Variants in MDGA2 observed in about 807,000 individuals in gnomAD.
MDGA2 encodes the protein MAM domain containing glycosylphosphatidylinositol anchor 2.
A neutral mutation model predicts 117.8 loss-of-function variants in MDGA2; 40 were observed. The ratio of observed to expected loss-of-function variants is 0.34; its 90% CI spans 0.26 to 0.44. The LOEUF (loss-of-function observed/expected upper bound fraction) is 0.44, where lower values mean the gene tolerates loss of function less well. MDGA2 is among the 20% of genes least tolerant of loss of function. The pLI, the probability that MDGA2 is intolerant of heterozygous loss-of-function variation, is 1.00. For synonymous variants in MDGA2, 452 were observed against 439.0 expected (o/e 1.03, Z -0.37); for missense variants, 1,123 against 1,250.6 (o/e 0.90, Z 1.54).
At chr14:47,265,195 G>A (rs1056965959) in intron 2 of MDGA2, among the ~76,000 whole-genome samples, 5 of 152,066 alleles carry the variant, frequency 3.3e-5, no homozygotes, top group African/African-American at 1.2e-4. Flanking sequence ...TCCATCATAT[G>A]GATTCAGTAG....
chr14:47,077,726 T>C (rs941235770), intron 6 of MDGA2, among the ~76,000 whole-genome samples: 1 of 150,614 alleles, frequency 6.6e-6, no homozygotes, highest in Admixed American at 6.6e-5. Flanking sequence ...AAAAGTGCAA[T>C]AAATTCTATA....
intron 2 of MDGA2, among the ~76,000 whole-genome samples, chr14:47,285,727 A>G (rs562170544): frequency 1.3e-5 from 2 of 152,266 alleles, no homozygotes; most frequent in African/African-American, 4.8e-5. Flanking sequence ...GCATTGAGGT[A>G]TATGGCTTCC....
At chr14:46,972,684 T>C (rs557089003) in intron 8 of MDGA2, among the ~76,000 whole-genome samples, 4 of 152,050 alleles carry the variant, frequency 2.6e-5, no homozygotes, top group South Asian at 2.1e-4. Context: ...CAAACTAACA[T>C]AGAAAAAAAG....
At chr14:46,996,389 C>G (rs1887292628) in intron 8 of MDGA2, 1 of 152,066 alleles carries the variant, frequency 6.6e-6, no homozygotes, top group Non-Finnish European at 1.5e-5. Flanking sequence ...GAACCACAAC[C>G]AAGATGTGGA....
intron 8 of MDGA2, among the ~76,000 whole-genome samples, chr14:46,972,445 C>T (rs1886305946): frequency 1.3e-5 from 2 of 152,138 alleles, no homozygotes; most frequent in Admixed American, 6.6e-5. Flanking sequence ...AGATGGCCAA[C>T]ATTTTTTAGG....
chr14:47,181,474 C>CA (rs112293246), intron 3 of MDGA2, among the ~76,000 whole-genome samples: 18,093 of 152,234 alleles, frequency 0.12, 1,166 homozygotes, highest in Middle Eastern at 0.14. Context: ...ATGTCCTTTG[C>CA]AGGGACATGG....
chr14:47,142,616 A>G (rs1882770829), intron 4 of MDGA2, among the ~76,000 whole-genome samples: 1 of 152,208 alleles, frequency 6.6e-6, no homozygotes, highest in East Asian at 1.9e-4. Context: ...TTGACAATAG[A>G]AAAATAAAAT....
At chr14:46,971,536 A>G (rs1280947009) in intron 8 of MDGA2, among the ~76,000 whole-genome samples, 1 of 152,100 alleles carries the variant, frequency 6.6e-6, no homozygotes, top group Non-Finnish European at 1.5e-5. Context: ...GTATAGATAG[A>G]TATCAGAGGC....
intron 1 of MDGA2, among the ~76,000 whole-genome samples, chr14:47,613,206 C>A (rs1896884404): frequency 6.6e-6 from 1 of 152,148 alleles, no homozygotes; most frequent in South Asian, 2.1e-4. Flanking sequence ...CCTGTGGCCA[C>A]TCAGCCAGCT....
At chr14:46,861,634 C>T (rs935417979) in intron 14 of MDGA2, among the ~76,000 whole-genome samples, 3 of 151,738 alleles carry the variant, frequency 2.0e-5, no homozygotes, top group African/African-American at 7.3e-5. Context: ...AAGAAAAAGA[C>T]ACAAGAACTA....
intron 6 of MDGA2, among the ~76,000 whole-genome samples, chr14:47,083,946 C>A (rs1890800203): frequency 6.6e-6 from 1 of 151,952 alleles, no homozygotes; most frequent in South Asian, 2.1e-4. Flanking sequence ...ACAGATAGAA[C>A]TGAAAGGAAA....
chr14:47,367,017 T>C (rs1281031986), intron 1 of MDGA2, among the ~76,000 whole-genome samples: 1 of 152,048 alleles, frequency 6.6e-6, no homozygotes, highest in Admixed American at 6.6e-5. Context: ...ATGTGTTCCA[T>C]AGACTAATCA....
chr14:47,166,464 TG>T, intron 3 of MDGA2, among the ~76,000 whole-genome samples: 1 of 152,308 alleles, frequency 6.6e-6, no homozygotes, highest in Middle Eastern at 3.4e-3. Context: ...CTATATTCTC[TG>T]TCTACTCAAA....
intron 1 of MDGA2, among the ~76,000 whole-genome samples, chr14:47,440,594 G>C (rs1227809594): frequency 6.6e-6 from 1 of 151,848 alleles, no homozygotes; most frequent in East Asian, 1.9e-4. Flanking sequence ...TCTTCTAGTT[G>C]GTATCTCTGG....
chr14:47,161,695 T>A (rs1333780866), intron 3 of MDGA2, among the ~76,000 whole-genome samples: 1 of 151,814 alleles, frequency 6.6e-6, no homozygotes, highest in African/African-American at 2.4e-5. Flanking sequence ...GGGCACACTC[T>A]GCCCCCACCC....
rs143420482 is a variant in MDGA2 at position 47,293,315 on chromosome 14, C to T, written c.420+8096G>A. Reference sequence around the variant, plus strand: ...TTTAAATTTCAAAGAACTATCATAACGGCATATTAGGACTAGCTCCAGGTA... The same window carrying T: ...TTTAAATTTCAAAGAACTATCATAATGGCATATTAGGACTAGCTCCAGGTA... On this transcript the variant is annotated intron_variant, in intron 2 of 16. Transcript: ENST00000399232. Among the ~76,000 whole-genome samples the T allele has an allele frequency of 8.3e-4, 126 of 152,286 alleles. No homozygotes were observed. The East Asian group carries it at 0.013, about 16-fold the overall frequency.
chr14:47,326,903 C>T (rs1890160591), intron 1 of MDGA2, among the ~76,000 whole-genome samples: 1 of 152,044 alleles, frequency 6.6e-6, no homozygotes, highest in Non-Finnish European at 1.5e-5. Flanking sequence ...CAGTCAAAGC[C>T]CTGTCGGGAA....
At chr14:47,503,620 G>A (rs1227189172) in intron 1 of MDGA2, among the ~76,000 whole-genome samples, 1 of 151,940 alleles carries the variant, frequency 6.6e-6, no homozygotes, top group Non-Finnish European at 1.5e-5. Flanking sequence ...TAGCCAGGAT[G>A]GTCTCTCTCT....
intron 1 of MDGA2, among the ~76,000 whole-genome samples, chr14:47,496,361 G>T (rs1246108141): frequency 6.6e-6 from 1 of 152,018 alleles, no homozygotes; most frequent in Non-Finnish European, 1.5e-5. Context: ...TACCACCTCA[G>T]CCTCCCAAGT....
Sources: gnomAD v4.1 joint callset for allele counts (sites outside exome capture counted in the v4.1 genomes callset) on GRCh38, gnomAD v4.1.1 for gene constraint, MANE v1.5 for transcripts, NCBI Gene and HGNC (gene_info 2026-07-23, HGNC 2026-07-21) for gene names.